Variants in AAK1 observed in about 807,000 individuals in gnomAD.
AAK1 encodes AP2 associated kinase 1.
In AAK1, 37 loss-of-function variants were observed where a neutral mutation model predicts 116.0. The ratio of observed to expected loss-of-function variants is 0.32; its 90% CI spans 0.25 to 0.42. The LOEUF (loss-of-function observed/expected upper bound fraction) is 0.42. AAK1 is among the 10% of genes least tolerant of loss of function. AAK1 has a pLI of 1.00. For synonymous variants in AAK1, 458 were observed against 439.9 expected, an observed-to-expected ratio of 1.04 and a Z score of -0.51; for missense variants, 919 against 1,170.6, an observed-to-expected ratio of 0.79 and a Z score of 3.14.
chr2:69,593,876 A>T (rs11693363), intron 2 of AAK1, among the ~76,000 whole-genome samples: 1 of 152,172 alleles, frequency 6.6e-6, no homozygotes, highest in Non-Finnish European at 1.5e-5. Flanking sequence ...AGGTAGCTCC[A>T]GACTGTAATC....
At chr2:69,643,414 A>G (rs1357590129) in intron 1 of AAK1, 140 bp from the exon 2 acceptor site, 7 of 1,177,268 alleles carry the variant, frequency 5.9e-6, no homozygotes, top group Non-Finnish European at 6.4e-6. Flanking sequence ...CGTGGGGCTG[A>G]AAACGCGACC....
chr2:69,625,963 G>A (rs150397468), intron 2 of AAK1, among the ~76,000 whole-genome samples: 62 of 152,168 alleles, frequency 4.1e-4, no homozygotes, highest in African/African-American at 1.4e-3. Flanking sequence ...GAAAACAGAA[G>A]CAAGAACTCC....
chr2:69,550,174 C>T (rs111975815), intron 3 of AAK1, among the ~76,000 whole-genome samples: 296 of 152,282 alleles, frequency 1.9e-3, no homozygotes, highest in African/African-American at 6.3e-3. Flanking sequence ...TCTACTGCAC[C>T]GCACTGAGCT....
At chr2:69,488,295 T>C (rs1180474186) in intron 17 of AAK1, among the ~76,000 whole-genome samples, 1 of 152,010 alleles carries the variant, frequency 6.6e-6, no homozygotes, top group Non-Finnish European at 1.5e-5. Context: ...GTAACAAACA[T>C]GCACACGTAT....
chr2:69,465,545 G>A lies in AAK1; in HGVS notation c.*10324C>T. Reference sequence around the variant, plus strand: ...AAACAGACCCAGCTATCGACTGCTTGTTGGTTTGTGAAACAATTTTGTAGG... The same window carrying A: ...AAACAGACCCAGCTATCGACTGCTTATTGGTTTGTGAAACAATTTTGTAGG... On this transcript the variant is annotated 3_prime_UTR_variant, in exon 22 of 22. Transcript: ENST00000409085. 7 of 1,290,954 alleles carry A rather than the reference G, an allele frequency of 5.4e-6. No individual in the cohort carries two copies. The highest frequency in any genetic ancestry group is 7.1e-6 in the Non-Finnish European group (7 of 988,874). The allele number at this position is 1,290,954 out of a possible 1,614,324, so 80.0% of individuals were successfully genotyped here. A position where few individuals can be genotyped will look rare whatever the true frequency, so the allele number is the denominator to read the frequency against.
At chr2:69,558,275 T>C (rs1044183986) in intron 2 of AAK1, among the ~76,000 whole-genome samples, 2 of 147,390 alleles carry the variant, frequency 1.4e-5, no homozygotes, top group African/African-American at 5.1e-5. Flanking sequence ...GCCTGGGAGG[T>C]GGAGGTTGCA....
chr2:69,588,292 C>A (rs2105161478), intron 2 of AAK1, among the ~76,000 whole-genome samples: 1 of 152,310 alleles, frequency 6.6e-6, no homozygotes, highest in Middle Eastern at 3.4e-3. Context: ...CCTCCACCCC[C>A]TTCTTTCCTA....
intron 2 of AAK1, among the ~76,000 whole-genome samples, chr2:69,573,126 CA>C (rs1209810413): frequency 1.3e-5 from 2 of 152,074 alleles, no homozygotes; most frequent in East Asian, 3.8e-4. Flanking sequence ...GGGTACCAGG[CA>C]AAACAGAACA....
intron 2 of AAK1, among the ~76,000 whole-genome samples, chr2:69,641,310 A>C (rs1424737418): frequency 6.6e-6 from 1 of 151,774 alleles, no homozygotes; most frequent in Non-Finnish European, 1.5e-5. Context: ...TCTCTGACAC[A>C]CTCTCCTTTT....
In AAK1 at chr2:69,542,695, C is replaced by T. The variant is rs187172391; in HGVS notation, c.392-30G>A. ...GGGGGTACGTACAGGGCAAAGGAGA[C>T]GTTATAAACATTCGGACTTGTCATT... On this transcript the variant is annotated intron_variant, in intron 4 of 21. Coordinates refer to ENST00000409085, the MANE Select transcript of AAK1 (RefSeq NM_014911.5). The T allele has an allele frequency of 2.5e-3, 4,009 of 1,605,290 alleles. 7 individuals are homozygous for T. The highest frequency in any genetic ancestry group is 3.2e-3 in the Non-Finnish European group (3,735 of 1,176,072).
chr2:69,613,967 A>G (rs939560757), intron 2 of AAK1, among the ~76,000 whole-genome samples: 2 of 152,200 alleles, frequency 1.3e-5, no homozygotes, highest in Non-Finnish European at 2.9e-5. Context: ...GTAAAATCTG[A>G]AGCTAACTCC....
In AAK1 at chr2:69,472,744, G is replaced by C. The variant is rs969916732; in HGVS notation, c.*3125C>G. ...AGCAAATCAGAAACATATGCTTATA[G>C]TATTTGCCCGTTTTAAACTGGTAGA... On this transcript the variant is annotated 3_prime_UTR_variant, in exon 22 of 22. Coordinates refer to ENST00000409085, the MANE Select transcript of AAK1 (RefSeq NM_014911.5). 9.1e-6 allele frequency: 9 copies of C among 985,258 alleles called. No homozygotes were observed. The highest frequency in any genetic ancestry group is 5.2e-4 in the Middle Eastern group (1 of 1,936). The allele number at this position is 985,258 out of a possible 1,614,324, so 61.0% of individuals were successfully genotyped here.
chr2:69,490,263 G>C (rs1009491490), intron 17 of AAK1, among the ~76,000 whole-genome samples: 2 of 152,082 alleles, frequency 1.3e-5, no homozygotes, highest in South Asian at 2.1e-4. Flanking sequence ...TCCTCAAAAA[G>C]TTAAAAATAG....
chr2:69,493,915 G>C (rs1675639757), intron 17 of AAK1, among the ~76,000 whole-genome samples: 1 of 152,126 alleles, frequency 6.6e-6, no homozygotes, highest in Non-Finnish European at 1.5e-5. Flanking sequence ...AAGATGGAGG[G>C]GAACAGCGCT....
chr2:69,514,572 G>T lies in AAK1; in HGVS notation c.1675C>A (p.Gln559Lys). 6.4e-7 allele frequency: 1 copy of T among 1,568,738 alleles called. No individual in the cohort carries two copies. The highest frequency in any genetic ancestry group is 8.6e-7 in the Non-Finnish European group (1 of 1,156,728). The change falls in exon 13 of 22, where the codon CAG becomes AAG. Residue 559 changes from glutamine (Q) to lysine (K), a missense_variant. By Grantham distance (53) the Gln-to-Lys change is moderately conservative (BLOSUM62 1). Transcript: ENST00000409085. Reference protein sequence around the residue: ...TALHQQQLMTQQAALQQKPTM... With the variant: ...TALHQQQLMTKQAALQQKPTM... ...GGCTTTTGCTGCAAGGCAGCCTGCT[G>T]AGTCATCAGCTGTTGTTGATGCAGG... is the stretch of plus-strand genomic sequence containing the variant.
chr2:69,635,091 A>G (rs1675388495), intron 2 of AAK1, among the ~76,000 whole-genome samples: 1 of 152,264 alleles, frequency 6.6e-6, no homozygotes, highest in Non-Finnish European at 1.5e-5. Flanking sequence ...TACCCAGAAT[A>G]TACAGAGAAC....
chr2:69,555,245 G>A (rs1231213923), intron 3 of AAK1, among the ~76,000 whole-genome samples: 1 of 152,230 alleles, frequency 6.6e-6, no homozygotes, highest in Non-Finnish European at 1.5e-5. Flanking sequence ...GGGAGTGGAA[G>A]GCATTGGTGC....
intron 17 of AAK1, among the ~76,000 whole-genome samples, chr2:69,486,117 G>C (rs892494152): frequency 6.6e-6 from 1 of 151,966 alleles, no homozygotes; most frequent in African/African-American, 2.4e-5. Context: ...ACCATGCTCG[G>C]CTAATATTTT....
chr2:69,562,503 G>A (rs1049238439), intron 2 of AAK1, among the ~76,000 whole-genome samples: 10 of 152,170 alleles, frequency 6.6e-5, no homozygotes, highest in Non-Finnish European at 1.3e-4. Flanking sequence ...GACAGTGAGT[G>A]AGAATTTGCA....
Sources: allele counts gnomAD v4.1 joint callset (sites outside exome capture counted in the v4.1 genomes callset), GRCh38; gene constraint gnomAD v4.1.1; transcripts MANE v1.5; gene names NCBI Gene and HGNC (gene_info 2026-07-23, HGNC 2026-07-21).